Variants in LAMA2 observed in about 807,000 individuals in gnomAD.
LAMA2 encodes laminin subunit alpha-2.
LAMA2 carries 269 observed loss-of-function variants against 364.8 expected under a neutral mutation model. That is an observed-to-expected ratio of 0.74 (90% CI 0.67 to 0.82). The LOEUF is 0.82. Among genes scored for constraint, LAMA2 ranks in the 40% least tolerant of loss-of-function variants. The pLI, the probability that LAMA2 is intolerant of heterozygous loss-of-function variation, is 0.00. For synonymous variants in LAMA2, 1,379 were observed against 1,370.6 expected (o/e 1.01, Z -0.14); for missense variants, 3,807 against 3,873.2 (o/e 0.98, Z 0.45).
chr6:129,349,359 G>A lies in LAMA2; in HGVS notation c.4498G>A (p.Gly1500Arg), dbSNP rs776889674. Reference protein sequence around the residue: ...DDYRCTACPRGYEGQYCERCA... With the variant: ...DDYRCTACPRRYEGQYCERCA... ...CTACCGCTGCACGGCTTGTCCACGG[G>A]GATATGAAGGCCAGTACTGTGAAAG... The change falls in exon 31 of 65, where the codon GGA (glycine) becomes AGA (arginine). Residue 1500 changes from glycine to arginine, a missense_variant. Gly to Arg is a moderately radical substitution (Grantham distance 125). Coordinates refer to ENST00000421865, the MANE Select transcript of LAMA2 (RefSeq NM_000426.4). The A allele has an allele frequency of 1.8e-5, 29 of 1,613,318 alleles. No individual in the cohort carries two copies. In the Admixed American group the frequency reaches 4.7e-4, roughly 26 times the overall value.
chr6:129,364,409 A>G (rs1048758094), intron 32 of LAMA2, among the ~76,000 whole-genome samples: 2 of 152,204 alleles, frequency 1.3e-5, no homozygotes, highest in African/African-American at 2.4e-5. Flanking sequence ...TCTAACATGT[A>G]TATAGCATTG....
intron 12 of LAMA2, among the ~76,000 whole-genome samples, chr6:129,231,631 A>G (rs1259685937): frequency 1.3e-5 from 2 of 152,256 alleles, no homozygotes; most frequent in East Asian, 3.9e-4. Context: ...GTCAGAAGCC[A>G]CGTTTTTTCT....
chr6:129,479,991 A>G lies in LAMA2; in HGVS notation c.7572+1178A>G, dbSNP rs986088111. ...TAACTCTCATTCACATTCAAAAGAT[A>G]TATACATGAGGATGGAAACTGTCCG... On this transcript the variant is annotated intron_variant, in intron 54 of 64. Coordinates refer to ENST00000421865, the MANE Select transcript of LAMA2 (RefSeq NM_000426.4). 4.6e-5 allele frequency: 7 copies of G among 152,336 alleles called. No individual in the cohort carries two copies. In the East Asian group the frequency reaches 5.8e-4, roughly 13 times the overall value. 9.4% of individuals were successfully genotyped at this position (152,336 alleles called of 1,614,324 possible). A position where few individuals can be genotyped will look rare whatever the true frequency, so the allele number is the denominator to read the frequency against.
intron 4 of LAMA2, among the ~76,000 whole-genome samples, chr6:129,119,701 C>G (rs1776692850): frequency 6.6e-6 from 1 of 152,170 alleles, no homozygotes; most frequent in Admixed American, 6.5e-5. Flanking sequence ...GCGCCCGCCA[C>G]CACGCCTGGC....
intron 37 of LAMA2, among the ~76,000 whole-genome samples, chr6:129,399,091 G>A (rs796972006): frequency 1.3e-5 from 2 of 152,064 alleles, no homozygotes; most frequent in African/African-American, 4.8e-5. Context: ...TGATGCATTG[G>A]TATTTCTGAT....
Position 129,473,205 on chromosome 6 carries a change from C to T in LAMA2, c.7301-9C>T, listed in dbSNP as rs747783456. On this transcript the variant is annotated splice_polypyrimidine_tract_variant and intron_variant, in intron 51 of 64. Coordinates refer to ENST00000421865, the MANE Select transcript of LAMA2 (RefSeq NM_000426.4). ...AAATAAAATGTTAAACTTTCTTTCT[C>T]CTTTACAGCCAATATATCAATTGTA... is the stretch of plus-strand genomic sequence containing the variant. 2.5e-6 allele frequency: 4 copies of T among 1,577,896 alleles called. No individual in the cohort carries two copies. The African/African-American group carries it at 4.0e-5, about 16-fold the overall frequency.
chr6:128,928,741 A>G (rs1333986996), intron 1 of LAMA2, among the ~76,000 whole-genome samples: 1 of 152,148 alleles, frequency 6.6e-6, no homozygotes, highest in East Asian at 1.9e-4. Context: ...TAACACAAAA[A>G]CAAAGCCAAG....
At chr6:129,195,969 T>C (rs1331633224) in intron 12 of LAMA2, among the ~76,000 whole-genome samples, 1 of 152,214 alleles carries the variant, frequency 6.6e-6, no homozygotes, top group Admixed American at 6.5e-5. Flanking sequence ...TCTTTGCATC[T>C]GTAAAGTTCT....
intron 17 of LAMA2, among the ~76,000 whole-genome samples, chr6:129,272,791 T>C (rs552003944): frequency 1.2e-4 from 18 of 152,262 alleles, no homozygotes; most frequent in African/African-American, 3.9e-4. Flanking sequence ...TAGATTCTCA[T>C]AGAAGCTCAA....
rs927480695 is a variant in LAMA2 at position 129,266,139 on chromosome 6, T to C, written c.2209-967T>C. On this transcript the variant is annotated intron_variant, in intron 15 of 64. Transcript: ENST00000421865. ...GGGCTTTTCATGATATATGATGTTG[T>C]ACTCGACCATCCAGAAATATAGTAA... Among the ~76,000 whole-genome samples the C allele has an allele frequency of 3.3e-5, 5 of 152,120 alleles. No individual in the cohort carries two copies. The East Asian group carries it at 9.7e-4, about 29-fold the overall frequency.
At chr6:128,884,421 A>G (rs1198100489) in intron 1 of LAMA2, among the ~76,000 whole-genome samples, 1 of 152,228 alleles carries the variant, frequency 6.6e-6, no homozygotes, top group Non-Finnish European at 1.5e-5. Flanking sequence ...AATGAGGCTG[A>G]ATCTGCTTAA....
rs41285288 is a variant in LAMA2 at position 129,349,293 on chromosome 6, T to A, written c.4437-5T>A. 13,227 of 1,611,536 alleles carry A rather than the reference T, an allele frequency of 8.2e-3. 78 individuals carry two copies. Among genetic ancestry groups the A allele is most frequent in the Middle Eastern group, 0.012 (73 of 6,054 alleles). ...TTTTTTGCAATCCTTTTCTTTCTGA[T>A]TCAGTTTCAGCCCCTCTTGTGTCGC... On this transcript the variant is annotated splice_polypyrimidine_tract_variant and splice_region_variant and intron_variant, in intron 30 of 64. Coordinates refer to ENST00000421865, the MANE Select transcript of LAMA2 (RefSeq NM_000426.4).
At chr6:129,254,957 A>G (rs1229553651) in intron 14 of LAMA2, among the ~76,000 whole-genome samples, 1 of 152,114 alleles carries the variant, frequency 6.6e-6, no homozygotes, top group Non-Finnish European at 1.5e-5. Context: ...TCTATAGGGG[A>G]TATTGCATTT....
At chr6:129,515,855 A>AGAT (rs1787016604) in intron 64 of LAMA2, among the ~76,000 whole-genome samples, 1 of 152,186 alleles carries the variant, frequency 6.6e-6, no homozygotes, top group South Asian at 2.1e-4. Context: ...CTTTGGGCAT[A>AGAT]GATGGGGAGA....
rs1441766008 is a variant in LAMA2 at position 129,403,930 on chromosome 6, A to G, written c.5836A>G (p.Lys1946Glu). ...DEAEKVAKEA[K>E]DLAHEATKLA... is the part of the protein sequence containing the mutation. ...AGCTGAGAAAGTTGCCAAAGAAGCC[A>G]AAGATCTTGCACATGAAGCTACAAA... The change falls in exon 40 of 65, where the codon AAA (lysine) becomes GAA (glutamate). Residue 1946 changes from lysine (K) to glutamate (E), a missense_variant. Coordinates refer to ENST00000421865, the MANE Select transcript of LAMA2 (RefSeq NM_000426.4). 1 of 1,613,982 alleles carries G rather than the reference A, an allele frequency of 6.2e-7. No individual in the cohort carries two copies. Among genetic ancestry groups the G allele is most frequent in the Admixed American group, 1.7e-5 (1 of 60,026 alleles).
At chr6:128,905,168 C>A (rs1030205124) in intron 1 of LAMA2, among the ~76,000 whole-genome samples, 2 of 152,112 alleles carry the variant, frequency 1.3e-5, no homozygotes, top group Non-Finnish European at 2.9e-5. Context: ...ACAACATAAA[C>A]CAATTTTATT....
intron 46 of LAMA2, among the ~76,000 whole-genome samples, chr6:129,453,871 G>A (rs1013124505): frequency 1.3e-5 from 2 of 150,792 alleles, no homozygotes; most frequent in South Asian, 2.1e-4. Flanking sequence ...GTATCAGAGT[G>A]AGAAAGGCTT....
intron 15 of LAMA2, among the ~76,000 whole-genome samples, chr6:129,261,950 A>T (rs1257774386): frequency 6.6e-6 from 1 of 152,254 alleles, no homozygotes; most frequent in East Asian, 1.9e-4. Flanking sequence ...ATTTGATGAA[A>T]CAAGAGCCTT....
intron 9 of LAMA2, among the ~76,000 whole-genome samples, chr6:129,168,846 A>G (rs1345348461): frequency 1.5e-4 from 21 of 143,026 alleles, no homozygotes; most frequent in South Asian, 4.7e-4. Flanking sequence ...TTCCTTGAGC[A>G]GTGGTTTGTA....
Sources: gnomAD v4.1 joint callset for allele counts (sites outside exome capture counted in the v4.1 genomes callset) on GRCh38, gnomAD v4.1.1 for gene constraint, MANE v1.5 for transcripts, NCBI Gene and HGNC (gene_info 2026-07-23, HGNC 2026-07-21) for gene names.